The following PLK1 variants were observed in gnomAD, a reference collection of about 807,000 sequenced individuals.
PLK1 encodes polo like kinase 1, also known as serine/threonine-protein kinase PLK1.
In PLK1, 6 loss-of-function variants were observed where a neutral mutation model predicts 56.7. The observed-to-expected ratio is 0.11, with a 90% confidence interval of 0.06 to 0.21. The LOEUF is 0.21. PLK1 is among the 10% of genes least tolerant of loss of function. The pLI is 1.00. For missense variants in PLK1, 546 were observed against 814.4 expected, an observed-to-expected ratio of 0.67 and a Z score of 4.01; for synonymous variants, 298 against 325.0, an observed-to-expected ratio of 0.92 and a Z score of 0.89.
intron 5 of PLK1, among the ~76,000 whole-genome samples, chr16:23,685,003 A>C (rs1278001221): frequency 3.7e-5 from 3 of 81,720 alleles, no homozygotes; most frequent in Admixed American, 1.9e-4. Context: ...TTTTTTTGAG[A>C]CAGGGTCTGG....
rs1187592252 is a variant in PLK1, at chr16:23,679,058, G to A, written c.126G>A (p.Glu42=). 1.9e-6 allele frequency: 3 copies of A among 1,605,756 alleles called. No individual in the cohort carries two copies. Among genetic ancestry groups the A allele is most frequent in the South Asian group, 1.1e-5 (1 of 90,902 alleles). ...AAAPPAKEIP[E]VLVDPRSRRR... ...CTCCACCGGCGAAAGAGATCCCGGA[G>A]GTCCTAGTGGACCCACGCAGCCGGC... Residue 42 remains glutamate (E), a synonymous_variant, in exon 1 of 10, where the codon GAG becomes GAA. Transcript: ENST00000300093.
chr16:23,680,499 A>T (rs1597134004), intron 2 of PLK1, among the ~76,000 whole-genome samples: 1 of 152,376 alleles, frequency 6.6e-6, no homozygotes, highest in South Asian at 2.1e-4. Flanking sequence ...TGAAAGCTTC[A>T]GTAATACGAG....
At chr16:23,684,606 C>T (rs1349987330) in intron 5 of PLK1, among the ~76,000 whole-genome samples, 1 of 152,182 alleles carries the variant, frequency 6.6e-6, no homozygotes, top group Admixed American at 6.5e-5. Flanking sequence ...CCTTTCACCT[C>T]CACCAAAGTG....
At chr16:23,682,686 C>CT (rs761280920) in intron 4 of PLK1, among the ~76,000 whole-genome samples, 1,618 of 134,168 alleles carry the variant, frequency 0.012, 18 homozygotes, top group African/African-American at 0.03. Context: ...CCTCGCCTGG[C>CT]TTTTTTTTTT....
At chr16:23,680,880 A>T (rs930253469) in intron 2 of PLK1, 34 bp from the exon 3 acceptor site, 1 of 1,587,456 alleles carries the variant, frequency 6.3e-7, no homozygotes, top group Non-Finnish European at 8.5e-7. Context: ...AGAGGCTGGC[A>T]TCTAAGTACC....
At position 23,690,161 on chromosome 16, in the gene PLK1, C is replaced by T; in HGVS notation, c.*98C>T. ...CGCGGTGCCATGTCTGCAGTGTGCC[C>T]CCCAGCCCCGGTGGCTGGGCAGAGC... On this transcript the variant is annotated 3_prime_UTR_variant, in exon 10 of 10. Transcript: ENST00000300093. The T allele has an allele frequency of 1.1e-6, 1 of 925,002 alleles. No homozygotes were observed. Among genetic ancestry groups the T allele is most frequent in the Non-Finnish European group, 1.7e-6 (1 of 578,908 alleles). 57.3% of individuals were successfully genotyped at this position (925,002 alleles called of 1,614,324 possible).
Position 23,689,191 on chromosome 16 carries a change from C to T in PLK1, c.1271-47C>T, listed in dbSNP as rs1404431295. The T allele has an allele frequency of 1.9e-6, 3 of 1,563,790 alleles. No homozygotes were observed. The highest frequency in any genetic ancestry group is 2.2e-4 in the Middle Eastern group (1 of 4,454). The stretch of plus-strand genomic sequence containing the variant: ...GTGCCACCACGCCCGGTCCCACTCC[C>T]CACTTTCTATTCCCCCTTTCTGAGA... On this transcript the variant is annotated intron_variant, in intron 7 of 9. Transcript: ENST00000300093. The surrounding 1 kb of genome is among the most constrained non-coding windows in gnomAD (Gnocchi z 4.8).
intron 4 of PLK1, among the ~76,000 whole-genome samples, chr16:23,683,054 A>G (rs1256939568): frequency 2.2e-5 from 3 of 135,126 alleles, no homozygotes; most frequent in Non-Finnish European, 3.1e-5. Context: ...GCAGTGGTAC[A>G]ATCTCGGCTC....
intron 2 of PLK1, 129 bp downstream of exon 2, chr16:23,680,381 C>T (rs1959312320): frequency 5.9e-6 from 4 of 673,348 alleles, no homozygotes; most frequent in Non-Finnish European, 1.0e-5. Context: ...TTTTTTTGTG[C>T]CCCAATGCAA....
rs371169676 is a variant in PLK1 at position 23,683,929 on chromosome 16, C to G, written c.876C>G (p.Ala292=). ...IQKMLQTDPT[A]RPTINELLND... Reference sequence around the variant, plus strand: ...AGATGCTTCAGACAGATCCCACTGCCCGCCCAACCATTAACGAGCTGCTTA... The same window carrying G: ...AGATGCTTCAGACAGATCCCACTGCGCGCCCAACCATTAACGAGCTGCTTA... The change falls in exon 5 of 10, where the codon GCC becomes GCG. Residue 292 remains alanine, a synonymous_variant. Transcript: ENST00000300093. 20 of 1,614,034 alleles carry G rather than the reference C, an allele frequency of 1.2e-5. No individual in the cohort carries two copies. The African/African-American group carries it at 2.5e-4, about 20-fold the overall frequency.
chr16:23,680,125 G>C lies in PLK1; in HGVS notation c.450G>C (p.Glu150Asp), dbSNP rs1959307993. Reference sequence around the variant, plus strand: ...ACAAGAGGAGGAAAGCCCTGACTGAGCCTGAGGCCCGATACTACCTACGGC... The same window carrying C: ...ACAAGAGGAGGAAAGCCCTGACTGACCCTGAGGCCCGATACTACCTACGGC... ...ELHKRRKALT[E>D]PEARYYLRQI... Residue 150 changes from glutamate to aspartate, a missense_variant, in exon 2 of 10, where the codon GAG becomes GAC. Coordinates refer to ENST00000300093, the MANE Select transcript of PLK1 (RefSeq NM_005030.6). 2 of 1,613,970 alleles carry C rather than the reference G, an allele frequency of 1.2e-6. No homozygotes were observed. Among genetic ancestry groups the C allele is most frequent in the Non-Finnish European group, 1.7e-6 (2 of 1,180,012 alleles).
chr16:23,679,308 G>A lies in PLK1; in HGVS notation c.376G>A (p.Val126Met), dbSNP rs1959290329. 6.2e-7 allele frequency: 1 copy of A among 1,613,438 alleles called. No homozygotes were observed. Among genetic ancestry groups the A allele is most frequent in the African/African-American group, 1.3e-5 (1 of 74,902 alleles). Residue 126 changes from valine (V) to methionine (M), a missense_variant, in exon 1 of 10, where the codon GTG (valine) becomes ATG (methionine). Transcript: ENST00000300093. ...CGGCTTTTTCGAGGACAACGACTTC[G>A]TGTTCGTGGTGTTGGAGCTCTGCCG... ...FHGFFEDNDFVFVVLELCRRR... is the reference protein window; with the variant it reads ...FHGFFEDNDFMFVVLELCRRR...
chr16:23,679,922 G>A, intron 1 of PLK1, 162 bp from the exon 2 acceptor site: 2 of 589,982 alleles, frequency 3.4e-6, no homozygotes, highest in South Asian at 2.1e-5. Context: ...GAAGGAATGG[G>A]GTGGGGGCAT....
At position 23,679,027 on chromosome 16, in the gene PLK1, C is replaced by T. The variant is rs933156352; in HGVS notation, c.95C>T (p.Ala32Val). The change falls in exon 1 of 10, where the codon GCG (alanine) becomes GTG (valine). Residue 32 changes from alanine to valine, a missense_variant. Around this residue, in one of 7 missense-constraint regions of PLK1, gnomAD observed 72 missense variants for 63.7 expected, o/e 1.13. Coordinates refer to ENST00000300093, the MANE Select transcript of PLK1 (RefSeq NM_005030.6). ...GGAGTTGCAGCTCCCGGAGCTCCGG[C>T]GGCGGCTCCACCGGCGAAAGAGATC... ...VPGVAAPGAP[A>V]AAPPAKEIPE... 6.2e-7 allele frequency: 1 copy of T among 1,608,476 alleles called. No homozygotes were observed. Among genetic ancestry groups the T allele is most frequent in the Admixed American group, 1.7e-5 (1 of 59,712 alleles).
intron 6 of PLK1, among the ~76,000 whole-genome samples, chr16:23,688,416 G>A (rs530358788): frequency 3.3e-3 from 505 of 152,364 alleles, no homozygotes; most frequent in Non-Finnish European, 5.6e-3. Flanking sequence ...TGGGTCAGTG[G>A]AATGAAGGAG....
At position 23,689,773 on chromosome 16, in the gene PLK1, G is replaced by A. The variant is rs1331120123; in HGVS notation, c.1609-87G>A. 2.0e-6 allele frequency: 3 copies of A among 1,524,742 alleles called. No individual in the cohort carries two copies. The highest frequency in any genetic ancestry group is 1.4e-5 in the African/African-American group (1 of 73,360). 94.5% of individuals were successfully genotyped at this position (1,524,742 alleles called of 1,614,324 possible). ...GTTGAATGTGGAGTGAGCGGCTCAG[G>A]TACCTATAACCTGTTGTGTCTTCCC... On this transcript the variant is annotated intron_variant, in intron 9 of 9. Coordinates refer to ENST00000300093, the MANE Select transcript of PLK1 (RefSeq NM_005030.6). This position sits in a 1 kb window ranked among gnomAD's most constrained non-coding sequence, Gnocchi z 4.8.
In PLK1 at chr16:23,680,931, A is replaced by G. The variant is rs754032412; in HGVS notation, c.595A>G (p.Thr199Ala). Residue 199 changes from threonine (T) to alanine (A), a missense_variant, in exon 3 of 10, where the codon ACC becomes GCC. Thr to Ala is a moderately conservative substitution (Grantham distance 58). This residue lies in a region of PLK1 where 111 missense variants were observed against 211.8 expected (regional missense o/e 0.52). Transcript: ENST00000300093. ...EVKIGDFGLA[T>A]KVEYDGERKK... ...TGTCCCAGGGGATTTTGGACTGGCA[A>G]CCAAAGTCGAATATGACGGGGAGAG... 3.7e-6 allele frequency: 6 copies of G among 1,610,514 alleles called. No homozygotes were observed. In the African/African-American group the frequency reaches 8.0e-5, roughly 22 times the overall value.
chr16:23,687,638 G>A lies in PLK1; in HGVS notation c.1192+14G>A. 1 of 1,534,160 alleles carries A rather than the reference G, an allele frequency of 6.5e-7. No homozygotes were observed. ...TGGTCAGGCAAGGTGGGTACTGCGGGGCCCTGGGCGGGGCAGGATTGCTTG... is the reference window on the plus strand; with the variant it reads ...TGGTCAGGCAAGGTGGGTACTGCGGAGCCCTGGGCGGGGCAGGATTGCTTG... On this transcript the variant is annotated intron_variant, in intron 6 of 9. Coordinates refer to ENST00000300093, the MANE Select transcript of PLK1 (RefSeq NM_005030.6).
Position 23,683,894 on chromosome 16 carries a change from C to T in PLK1, c.841C>T (p.Leu281Phe). Residue 281 changes from leucine to phenylalanine, a missense_variant, in exon 5 of 10, where the codon CTC becomes TTC. Leu to Phe is a conservative substitution (Grantham distance 22). This residue lies in a region of PLK1 where 157 missense variants were observed against 184.0 expected (regional missense o/e 0.85). Transcript: ENST00000300093. Reference sequence around the variant, plus strand: ...GCACATCAACCCCGTGGCCGCCTCCCTCATCCAGAAGATGCTTCAGACAGA... The same window carrying T: ...GCACATCAACCCCGTGGCCGCCTCCTTCATCCAGAAGATGCTTCAGACAGA... ...PKHINPVAAS[L>F]IQKMLQTDPT... is the part of the protein sequence containing the mutation. 1 of 1,614,128 alleles carries T rather than the reference C, an allele frequency of 6.2e-7. No individual in the cohort carries two copies. The highest frequency in any genetic ancestry group is 8.5e-7 in the Non-Finnish European group (1 of 1,179,978).
Sources: gnomAD v4.1 joint callset for allele counts (sites outside exome capture counted in the v4.1 genomes callset) on GRCh38, gnomAD v4.1.1 for gene constraint, gnomAD v4.1.1 regional missense constraint, Gnocchi (gnomAD v3.1) non-coding constraint, MANE v1.5 for transcripts, NCBI Gene and HGNC (gene_info 2026-07-23, HGNC 2026-07-21) for gene names.